The following VIT variants were observed in gnomAD, a reference collection of about 807,000 sequenced individuals.
VIT encodes vitrin.
Under a neutral mutation model 78.0 loss-of-function variants are expected in VIT, and 99 were observed. That is an observed-to-expected ratio of 1.27 (90% CI 1.08 to 1.50). The LOEUF is 1.50. VIT is among the 40% of genes most tolerant of loss of function. VIT has a pLI of 0.00. For missense variants in VIT, 1,126 were observed against 875.3 expected (o/e 1.29, Z -3.61); for synonymous variants, 374 against 334.3 (o/e 1.12, Z -1.29).
At chr2:36,759,502 A>C (rs1668977595) in intron 6 of VIT, 8 of 1,140,194 alleles carry the variant, frequency 7.0e-6, no homozygotes, top group Non-Finnish European at 8.7e-6. Context: ...ACTGTCTACA[A>C]GGTTGTGCCA....
At chr2:36,799,677 A>C (rs2148662195) in intron 12 of VIT, among the ~76,000 whole-genome samples, 1 of 151,250 alleles carries the variant, frequency 6.6e-6, no homozygotes, top group East Asian at 2.0e-4. Context: ...AGATGGGGCC[A>C]CTGCACTCCA....
At chr2:36,738,457 A>G (rs1667641637) in intron 3 of VIT, among the ~76,000 whole-genome samples, 1 of 152,194 alleles carries the variant, frequency 6.6e-6, no homozygotes, top group Non-Finnish European at 1.5e-5. Flanking sequence ...AAACTAAAAT[A>G]TGTATTTTTA....
At position 36,775,054 on chromosome 2, in the gene VIT, G is replaced by A. The variant is rs757904600; in HGVS notation, c.789G>A (p.Ala263=). The A allele has an allele frequency of 9.9e-6, 16 of 1,613,818 alleles. No individual in the cohort carries two copies. The highest frequency in any genetic ancestry group is 6.7e-5 in the East Asian group (3 of 44,880). ...CTGCCTTCCAGAAACCTGTTGGAGCGGATGTCAGCCTGGGTAAGCTGCCCA... is the reference window on the plus strand; with the variant it reads ...CTGCCTTCCAGAAACCTGTTGGAGCAGATGTCAGCCTGGGTAAGCTGCCCA... ...SGAAFQKPVG[A]DVSLGEMDSW... The change falls in exon 9 of 16, where the codon GCG becomes GCA. Residue 263 remains alanine (A), a synonymous_variant. Transcript: ENST00000379242.
chr2:36,785,992 C>T (rs554216560), intron 11 of VIT, among the ~76,000 whole-genome samples: 2 of 152,286 alleles, frequency 1.3e-5, no homozygotes, highest in Admixed American at 6.5e-5. Flanking sequence ...GCTTCTCCTC[C>T]TGAAGAATGG....
intron 13 of VIT, among the ~76,000 whole-genome samples, chr2:36,802,052 A>G (rs1238126307): frequency 6.6e-6 from 1 of 152,138 alleles, no homozygotes; most frequent in Admixed American, 6.5e-5. Flanking sequence ...CCAATCAACT[A>G]CCGTTGTAGT....
In VIT at chr2:36,729,483, C is replaced by G; in HGVS notation, c.110C>G (p.Pro37Arg). 6.2e-7 allele frequency: 1 copy of G among 1,607,034 alleles called. No homozygotes were observed. The change falls in exon 3 of 16, where the codon CCC (proline) becomes CGC (arginine). Residue 37 changes from proline to arginine, a missense_variant. Transcript: ENST00000379242. ...GAAACGGCAAAGAAGATTAAAAGGC[C>G]CAAGTTCAGTAAGTAAAATCACAAT... ...NKETAKKIKR[P>R]KFTVPQINCD...
At chr2:36,710,825 T>C (rs1254054506) in intron 1 of VIT, among the ~76,000 whole-genome samples, 1 of 152,242 alleles carries the variant, frequency 6.6e-6, no homozygotes, top group South Asian at 2.1e-4. Flanking sequence ...TTTTGCATCG[T>C]TCCCAGTTTG....
chr2:36,760,496 C>T (rs746211353), intron 6 of VIT, among the ~76,000 whole-genome samples: 11 of 152,190 alleles, frequency 7.2e-5, no homozygotes, highest in East Asian at 1.9e-4. Flanking sequence ...CACCTCCACC[C>T]GTGAACTGGC....
intron 7 of VIT, among the ~76,000 whole-genome samples, chr2:36,772,789 A>T (rs998025833): frequency 5.9e-5 from 9 of 152,240 alleles, no homozygotes; most frequent in Admixed American, 5.9e-4. Context: ...AAGAGTCAAA[A>T]GCTGATTTTG....
chr2:36,799,098 T>C (rs1385890845), intron 12 of VIT, among the ~76,000 whole-genome samples: 2 of 152,338 alleles, frequency 1.3e-5, no homozygotes, highest in Admixed American at 1.3e-4. Flanking sequence ...AAATTTCCTG[T>C]CTTCCCTGAA....
intron 9 of VIT, among the ~76,000 whole-genome samples, chr2:36,779,957 C>G (rs1664628505): frequency 6.6e-6 from 1 of 152,166 alleles, no homozygotes; most frequent in Non-Finnish European, 1.5e-5. Context: ...AGTGAGCCCC[C>G]CAGGCTCCCA....
At chr2:36,713,646 T>C (rs966828722) in intron 1 of VIT, among the ~76,000 whole-genome samples, 16 of 152,190 alleles carry the variant, frequency 1.1e-4, no homozygotes, top group African/African-American at 3.9e-4. Flanking sequence ...CTACCACAGA[T>C]GGCATTGGTA....
At chr2:36,784,524 T>G (rs11675969) in intron 11 of VIT, among the ~76,000 whole-genome samples, 101,986 of 152,046 alleles carry the variant, frequency 0.67, 34,933 homozygotes, top group East Asian at 0.99. Flanking sequence ...CTTCATTTGT[T>G]GAAGCTGCAT....
chr2:36,712,108 G>T (rs1369167550), intron 1 of VIT, among the ~76,000 whole-genome samples: 1 of 152,134 alleles, frequency 6.6e-6, no homozygotes, highest in African/African-American at 2.4e-5. Flanking sequence ...GCTGGTGGCA[G>T]TCCTCATGCT....
chr2:36,729,543 G>T, intron 3 of VIT, 52 bp downstream of exon 3: 1 of 1,562,002 alleles, frequency 6.4e-7, no homozygotes, highest in Non-Finnish European at 8.7e-7. Flanking sequence ...CTCCCACATG[G>T]AGGGTTATTA....
intron 4 of VIT, among the ~76,000 whole-genome samples, chr2:36,746,603 G>T (rs552469672): frequency 2.6e-5 from 4 of 152,044 alleles, no homozygotes; most frequent in Non-Finnish European, 5.9e-5. Context: ...CTTCAAAATA[G>T]TTTCTGAAGA....
At chr2:36,810,978 A>G (rs1306798187) in intron 15 of VIT, among the ~76,000 whole-genome samples, 2 of 152,182 alleles carry the variant, frequency 1.3e-5, no homozygotes, top group Non-Finnish European at 1.5e-5. Flanking sequence ...GATTTTCTGA[A>G]TGGTTGAAAG....
chr2:36,727,682 T>A (rs1666937377), intron 2 of VIT, among the ~76,000 whole-genome samples: 1 of 152,192 alleles, frequency 6.6e-6, no homozygotes, highest in African/African-American at 2.4e-5. Context: ...GTCATCCACT[T>A]CATAACAATG....
chr2:36,811,562 G>T (rs1487300834), intron 15 of VIT, among the ~76,000 whole-genome samples: 5 of 152,164 alleles, frequency 3.3e-5, no homozygotes, highest in African/African-American at 1.2e-4. Context: ...GAGTATCCAA[G>T]TCAAGGCTGG....
Sources: gnomAD v4.1 joint callset for allele counts (sites outside exome capture counted in the v4.1 genomes callset) on GRCh38, gnomAD v4.1.1 for gene constraint, MANE v1.5 for transcripts, NCBI Gene and HGNC (gene_info 2026-07-23, HGNC 2026-07-21) for gene names.